CNOT3: variants seen among roughly 807,000 people sequenced by gnomAD.
CNOT3 encodes CCR4-NOT transcription complex subunit 3.
Under a neutral mutation model 89.4 loss-of-function variants are expected in CNOT3, and 2 were observed. The ratio of observed to expected loss-of-function variants is 0.02; its 90% CI spans 0.01 to 0.07. The LOEUF (loss-of-function observed/expected upper bound fraction) is 0.07, where lower values mean the gene tolerates loss of function less well. Ranked by LOEUF, CNOT3 falls within the 10% of genes least tolerant of loss-of-function variation. CNOT3 has a pLI of 1.00. For synonymous variants in CNOT3, 486 were observed against 402.0 expected, an observed-to-expected ratio of 1.21 and a Z score of -2.50; for missense variants, 664 against 1,010.2, an observed-to-expected ratio of 0.66 and a Z score of 4.65.
chr19:54,155,151 A>C (rs1231157772), intron 17 of CNOT3, 158 bp from the exon 18 acceptor site: 6 of 731,028 alleles, frequency 8.2e-6, no homozygotes, highest in Admixed American at 3.1e-5. Flanking sequence ...ACCCAAGAAG[A>C]ACCTTGTGAG....
In CNOT3 at chr19:54,152,891, T is replaced by C; in HGVS notation, c.1929T>C (p.Cys643=). The change falls in exon 16 of 18, where the codon TGT becomes TGC. Residue 643 remains cysteine (C), a synonymous_variant. Transcript: ENST00000221232. The part of the protein sequence containing the change: ...RIRQYLPRNP[C]PTPPYHHQMP... ...GGCAGTACCTCCCCCGGAACCCCTG[T>C]CCGACGCCCCCCTACCACCACCAGA... The C allele has an allele frequency of 6.6e-7, 1 of 1,524,508 alleles. No homozygotes were observed. Among genetic ancestry groups the C allele is most frequent in the Non-Finnish European group, 9.0e-7 (1 of 1,116,284 alleles). The allele number at this position is 1,524,508 out of a possible 1,614,324, so 94.4% of individuals were successfully genotyped here.
rs1185511616 is a variant in CNOT3, at chr19:54,145,465, C to G, written c.484-133C>G. On this transcript the variant is annotated intron_variant, in intron 7 of 17. Coordinates refer to ENST00000221232, the MANE Select transcript of CNOT3 (RefSeq NM_014516.4). This position sits in a 1 kb window ranked among gnomAD's most constrained non-coding sequence, Gnocchi z 5.9. ...GAGGGTGGGTGGACCCCATACTGCC[C>G]CACCCCGAAGGGGATGGCGTGGAGG... 3 of 656,482 alleles carry G rather than the reference C, an allele frequency of 4.6e-6. No individual in the cohort carries two copies. In the African/African-American group the frequency reaches 5.4e-5, roughly 12 times the overall value. 40.7% of individuals were successfully genotyped at this position (656,482 alleles called of 1,614,324 possible). A position where few individuals can be genotyped will look rare whatever the true frequency, so the allele number is the denominator to read the frequency against.
chr19:54,150,591 G>A (rs1169702504), intron 13 of CNOT3, among the ~76,000 whole-genome samples: 1 of 108,860 alleles, frequency 9.2e-6, no homozygotes, highest in Non-Finnish European at 2.0e-5. Context: ...CCAGGAGGCA[G>A]TGTGCGCGCC....
In CNOT3 at chr19:54,146,496, A is replaced by G. The variant is rs140259137; in HGVS notation, c.838-105A>G. On this transcript the variant is annotated intron_variant, in intron 9 of 17. Coordinates refer to ENST00000221232, the MANE Select transcript of CNOT3 (RefSeq NM_014516.4). The stretch of plus-strand genomic sequence containing the variant: ...CCATTTGACCAGCTCTGGGGCCGCA[A>G]TGGCAGTCAATTGGGCCCAGGTCCC... 3.2e-4 allele frequency: 244 copies of G among 753,374 alleles called. 1 individual carries two copies. The highest frequency in any genetic ancestry group is 2.5e-3 in the African/African-American group (147 of 58,544). The allele number at this position is 753,374 out of a possible 1,614,324, so 46.7% of individuals were successfully genotyped here. A position where few individuals can be genotyped will look rare whatever the true frequency, so the allele number is the denominator to read the frequency against.
At chr19:54,149,518 G>T in intron 12 of CNOT3, 42 bp from the exon 13 acceptor site, 1 of 1,362,060 alleles carries the variant, frequency 7.3e-7, no homozygotes, top group Admixed American at 2.2e-5. Context: ...CCCACCCTCA[G>T]GGACCCTCCT....
intron 15 of CNOT3, 111 bp downstream of exon 15, chr19:54,152,737 C>T (rs587634121): frequency 9.8e-7 from 1 of 1,015,468 alleles, no homozygotes; most frequent in Non-Finnish European, 1.5e-6. Flanking sequence ...CTTGGGCTCT[C>T]CACTGAAGGT....
rs1163546209 is a variant in CNOT3 at position 54,153,884 on chromosome 19, A to G, written c.2163+44A>G. 7 of 1,613,544 alleles carry G rather than the reference A, an allele frequency of 4.3e-6. No homozygotes were observed. The East Asian group carries it at 6.7e-5, about 15-fold the overall frequency. ...CTCTTCCCGCTGCTAGGGTTGGGGT[A>G]GAGTCCCCAGGCTCCAGGCAGCCCC... On this transcript the variant is annotated intron_variant, in intron 17 of 17. Transcript: ENST00000221232.
At chr19:54,143,328 T>C (rs2074529710) in intron 3 of CNOT3, 114 bp from the exon 4 acceptor site, 17 of 906,888 alleles carry the variant, frequency 1.9e-5, no homozygotes, top group Non-Finnish European at 2.6e-5. Context: ...CTAAGATGGA[T>C]TGGGGGTAGG....
At chr19:54,138,023 C>T (rs1247243480) in intron 1 of CNOT3, 30 bp downstream of exon 1, 1 of 152,184 alleles carries the variant, frequency 6.6e-6, no homozygotes, top group African/African-American at 2.4e-5. Context: ...CTGGGCCGGA[C>T]CCCTTCCCTT....
rs1167101834 is a variant in CNOT3, at chr19:54,142,836, C to T, written c.-50-93C>T. ...GCAAATGCTTCTTCTCTTTACCAGT[C>T]CCACCTACCTCACTATGCTGACTAG... On this transcript the variant is annotated intron_variant, in intron 1 of 17. Coordinates refer to ENST00000221232, the MANE Select transcript of CNOT3 (RefSeq NM_014516.4). 62 of 792,030 alleles carry T rather than the reference C, an allele frequency of 7.8e-5. 1 individual carries two copies. The highest frequency in any genetic ancestry group is 9.2e-5 in the Non-Finnish European group (42 of 458,890). The allele number at this position is 792,030 out of a possible 1,614,324, so 49.1% of individuals were successfully genotyped here.
Position 54,145,804 on chromosome 19 carries a change from C to T in CNOT3, c.690C>T (p.Asp230=). 6.2e-7 allele frequency: 1 copy of T among 1,611,956 alleles called. No homozygotes were observed. The highest frequency in any genetic ancestry group is 8.5e-7 in the Non-Finnish European group (1 of 1,178,140). ...ACGAGTTTCTCTACGATGACCTGGACCTCGAGGACATTCGTGAGGCCCTGG... is the reference window on the plus strand; with the variant it reads ...ACGAGTTTCTCTACGATGACCTGGATCTCGAGGACATTCGTGAGGCCCTGG... ...EENEFLYDDL[D]LEDIPQALVA... is the part of the protein sequence containing the mutation. Residue 230 remains aspartate (D), a synonymous_variant, in exon 8 of 18, where the codon GAC becomes GAT. Coordinates refer to ENST00000221232, the MANE Select transcript of CNOT3 (RefSeq NM_014516.4). The surrounding 1 kb of genome is among the most constrained non-coding windows in gnomAD (Gnocchi z 5.9).
chr19:54,155,667 A>G lies in CNOT3; in HGVS notation c.*260A>G. 1 of 1,449,156 alleles carries G rather than the reference A, an allele frequency of 6.9e-7. No individual in the cohort carries two copies. The highest frequency in any genetic ancestry group is 9.4e-7 in the Non-Finnish European group (1 of 1,066,846). 89.8% of individuals were successfully genotyped at this position (1,449,156 alleles called of 1,614,324 possible). On this transcript the variant is annotated 3_prime_UTR_variant, in exon 18 of 18. Transcript: ENST00000221232. ...TCATTTTGGAAAATATTTATGAATA[A>G]ATAGTTTTATATGACGGCTGGCAGC...
At position 54,144,374 on chromosome 19, in the gene CNOT3, A is replaced by G. The variant is rs200240296; in HGVS notation, c.483+42A>G. ...CGACACCTTTGGGATGGGGATGGGC[A>G]TGGGAATGGGCTGGCCAGCAGGAGG... On this transcript the variant is annotated intron_variant, in intron 7 of 17. Transcript: ENST00000221232. The surrounding 1 kb of genome is among the most constrained non-coding windows in gnomAD (Gnocchi z 4.8). 8.0e-5 allele frequency: 117 copies of G among 1,470,600 alleles called. No homozygotes were observed. In the East Asian group the frequency reaches 1.0e-3, roughly 13 times the overall value. The allele number at this position is 1,470,600 out of a possible 1,614,324, so 91.1% of individuals were successfully genotyped here.
chr19:54,140,719 T>A (rs1219751323), intron 1 of CNOT3, among the ~76,000 whole-genome samples: 1 of 152,170 alleles, frequency 6.6e-6, no homozygotes, highest in African/African-American at 2.4e-5. Context: ...CCGACTTCGA[T>A]GTCACACTGT....
chr19:54,143,953 G>A (rs2074557026), intron 5 of CNOT3, 53 bp from the exon 6 acceptor site: 2 of 1,579,574 alleles, frequency 1.3e-6, no homozygotes, highest in South Asian at 1.2e-5. Context: ...CTGGCCCTTA[G>A]TCAGCTCCTT....
intron 17 of CNOT3, chr19:54,154,181 C>CTGTGGGCTCTGCT (rs2075297541): frequency 2.1e-6 from 1 of 485,486 alleles, no homozygotes; most frequent in Non-Finnish European, 4.0e-6. Flanking sequence ...CTGCACCAGG[C>CTGTGGGCTCTGCT]TGTGGGCTCT....
chr19:54,149,512 C>G (rs780049007), intron 12 of CNOT3, 48 bp from the exon 13 acceptor site: 1 of 1,292,728 alleles, frequency 7.7e-7, no homozygotes, highest in Non-Finnish European at 1.1e-6. Context: ...GCCCATCCCA[C>G]CCTCAGGGAC....
chr19:54,152,841 C>T, intron 15 of CNOT3, 26 bp from the exon 16 acceptor site: 1 of 1,144,120 alleles, frequency 8.7e-7, no homozygotes, highest in South Asian at 1.4e-5. Context: ...AGGCAGCTGG[C>T]ACTGACCTTC....
chr19:54,153,304 C>T (rs1247620474), intron 16 of CNOT3: 2 of 762,034 alleles, frequency 2.6e-6, no homozygotes, highest in African/African-American at 1.7e-5. Context: ...CCAGCAGCCC[C>T]AGTCTAGGCC....
Sources: allele counts gnomAD v4.1 joint callset (sites outside exome capture counted in the v4.1 genomes callset), GRCh38; gene constraint gnomAD v4.1.1; non-coding constraint Gnocchi (gnomAD v3.1); transcripts MANE v1.5; gene names NCBI Gene and HGNC (gene_info 2026-07-23, HGNC 2026-07-21).